NRG2: variants seen among roughly 807,000 people sequenced by gnomAD.
NRG2 encodes the protein pro-neuregulin-2, membrane-bound isoform.
In NRG2, 27 loss-of-function variants were observed where a neutral mutation model predicts 73.9. The observed-to-expected ratio is 0.37, with a 90% CI of 0.27 to 0.50. The LOEUF (loss-of-function observed/expected upper bound fraction) is 0.50, where lower values mean the gene tolerates loss of function less well. NRG2 is among the 20% of genes least tolerant of loss of function. The pLI, the probability that NRG2 is intolerant of heterozygous loss-of-function variation, is 0.96. For missense variants in NRG2, 1,126 were observed against 1,210.1 expected (o/e 0.93, Z 1.03); for synonymous variants, 532 against 541.0 (o/e 0.98, Z 0.23).
intron 1 of NRG2, among the ~76,000 whole-genome samples, chr5:139,969,586 G>C (rs34548529): frequency 0.081 from 12,304 of 152,242 alleles, 737 homozygotes; most frequent in African/African-American, 0.17. Context: ...GCAATGCTGA[G>C]ATGCCACACC....
Position 139,853,670 on chromosome 5 carries a change from G to A in NRG2, c.1293-643C>T, listed in dbSNP as rs369006016. 6.6e-6 allele frequency among the ~76,000 whole-genome samples: 1 copy of A among 152,158 alleles called. No homozygotes were observed. Among genetic ancestry groups the A allele is most frequent in the Non-Finnish European group, 1.5e-5 (1 of 68,030 alleles). ...TCAGATTGGCACATATTAAATGCTC[G>A]ATTTATTTGATATTAAATCTAATCA... On this transcript the variant is annotated intron_variant, in intron 6 of 9. Transcript: ENST00000361474. The surrounding 1 kb of genome is among the most constrained non-coding windows in gnomAD (Gnocchi z 4.1).
At chr5:139,889,107 C>T (rs1030869272) in intron 1 of NRG2, among the ~76,000 whole-genome samples, 3 of 152,014 alleles carry the variant, frequency 2.0e-5, no homozygotes, top group Non-Finnish European at 1.5e-5. Flanking sequence ...CAAGAGGGTT[C>T]CATGGGAAAA....
chr5:139,995,311 C>T (rs568330294), intron 1 of NRG2, among the ~76,000 whole-genome samples: 1 of 152,296 alleles, frequency 6.6e-6, no homozygotes, highest in East Asian at 1.9e-4. Flanking sequence ...CCCAGAGAGG[C>T]TCAGAATGGC....
At chr5:139,966,977 C>T (rs976205247) in intron 1 of NRG2, among the ~76,000 whole-genome samples, 1 of 152,180 alleles carries the variant, frequency 6.6e-6, no homozygotes, top group South Asian at 2.1e-4. Context: ...TGCAGGCCCC[C>T]AGCCTCCCCC....
intron 3 of NRG2, among the ~76,000 whole-genome samples, chr5:139,877,213 A>C (rs1763243282): frequency 6.6e-6 from 1 of 151,644 alleles, no homozygotes; most frequent in Non-Finnish European, 1.5e-5. Context: ...CTTCCTGCCG[A>C]CTCCTCCTGC....
intron 1 of NRG2, among the ~76,000 whole-genome samples, chr5:139,938,114 G>A (rs1230038450): frequency 6.6e-6 from 1 of 152,164 alleles, no homozygotes; most frequent in African/African-American, 2.4e-5. Context: ...TGAAATATTG[G>A]TGAGAAAAAG....
At chr5:140,002,576 C>T (rs1223206055) in intron 1 of NRG2, among the ~76,000 whole-genome samples, 11 of 152,096 alleles carry the variant, frequency 7.2e-5, no homozygotes, top group Non-Finnish European at 1.2e-4. Context: ...AGGGCCAAGT[C>T]GGAGAAAGCA....
At chr5:140,041,666 T>TAA (rs762926051) in intron 1 of NRG2, among the ~76,000 whole-genome samples, 14,029 of 91,798 alleles carry the variant, frequency 0.15, 995 homozygotes, top group South Asian at 0.23. Flanking sequence ...CAGAAACAGC[T>TAA]AAAAAAAAAA....
chr5:140,032,264 A>G (rs888302372), intron 1 of NRG2, among the ~76,000 whole-genome samples: 1 of 152,214 alleles, frequency 6.6e-6, no homozygotes, highest in Non-Finnish European at 1.5e-5. Flanking sequence ...AAACTGGTAA[A>G]TTTTGCAGAA....
chr5:140,000,068 C>T (rs1192338338), intron 1 of NRG2, among the ~76,000 whole-genome samples: 1 of 152,174 alleles, frequency 6.6e-6, no homozygotes, highest in East Asian at 1.9e-4. Flanking sequence ...AAAAAAACAA[C>T]ATTTGTCTCT....
chr5:139,930,913 C>T (rs541815618), intron 1 of NRG2, among the ~76,000 whole-genome samples: 18 of 152,188 alleles, frequency 1.2e-4, no homozygotes, highest in African/African-American at 2.9e-4. Flanking sequence ...CTGTTTCACA[C>T]GGTAACAGTC....
chr5:139,998,383 A>C (rs1758186529), intron 1 of NRG2, among the ~76,000 whole-genome samples: 1 of 152,148 alleles, frequency 6.6e-6, no homozygotes, highest in South Asian at 2.1e-4. Context: ...AAGGCCAAGA[A>C]AGTCCTGGAG....
chr5:139,955,321 G>T (rs192572774), intron 1 of NRG2, among the ~76,000 whole-genome samples: 17 of 152,278 alleles, frequency 1.1e-4, no homozygotes, highest in African/African-American at 3.6e-4. Flanking sequence ...TGGAGGGAGG[G>T]AGAGGTGTTG....
chr5:139,985,031 T>C (rs933774879), intron 1 of NRG2, among the ~76,000 whole-genome samples: 13 of 152,188 alleles, frequency 8.5e-5, no homozygotes, highest in African/African-American at 2.9e-4. Context: ...AGAGCAGACT[T>C]CAGAGTAGGG....
intron 1 of NRG2, among the ~76,000 whole-genome samples, chr5:140,039,225 A>T (rs545261824): frequency 6.6e-6 from 1 of 152,352 alleles, no homozygotes; most frequent in South Asian, 2.1e-4. Context: ...GAAAACAACA[A>T]GATAGGGTGT....
intron 1 of NRG2, among the ~76,000 whole-genome samples, chr5:139,942,883 C>A (rs1246067305): frequency 1.3e-5 from 2 of 152,234 alleles, no homozygotes; most frequent in Non-Finnish European, 2.9e-5. Context: ...CTGTGTCATC[C>A]AGGCTAGAGT....
chr5:139,874,767 A>G (rs1002793549), intron 3 of NRG2, among the ~76,000 whole-genome samples: 2 of 151,710 alleles, frequency 1.3e-5, no homozygotes, highest in African/African-American at 4.8e-5. Flanking sequence ...GGGCTTCACC[A>G]CCTCTCCCAC....
chr5:139,879,442 C>T (rs1316640840), intron 3 of NRG2, among the ~76,000 whole-genome samples: 2 of 152,178 alleles, frequency 1.3e-5, no homozygotes, highest in South Asian at 2.1e-4. Flanking sequence ...CTTCCCACCC[C>T]ACTCTCCGAA....
At position 139,848,134 on chromosome 5, in the gene NRG2, T is replaced by C. The variant is rs909703018; in HGVS notation, c.2336A>G (p.Asp779Gly). 3.4e-6 allele frequency: 5 copies of C among 1,468,960 alleles called. No homozygotes were observed. In the African/African-American group the frequency reaches 5.9e-5, roughly 17 times the overall value. The allele number at this position is 1,468,960 out of a possible 1,614,324, so 91.0% of individuals were successfully genotyped here. ...SGGGSASASD[D>G]DADDADGALA... is the part of the protein sequence containing the mutation. ...CGCCCCGTCCGCGTCGTCCGCGTCG[T>C]CGTCCGACGCCGAGGCTGAGCCGCC... Residue 779 changes from aspartate (D) to glycine (G), a missense_variant, in exon 10 of 10, where the codon GAC (aspartate) becomes GGC (glycine). Transcript: ENST00000361474.
Sources: gnomAD v4.1 joint callset for allele counts (sites outside exome capture counted in the v4.1 genomes callset) on GRCh38, gnomAD v4.1.1 for gene constraint, Gnocchi (gnomAD v3.1) non-coding constraint, MANE v1.5 for transcripts, NCBI Gene and HGNC (gene_info 2026-07-23, HGNC 2026-07-21) for gene names.